MYEF2: variants seen among roughly 807,000 people sequenced by gnomAD.
The protein encoded by MYEF2 is myelin gene expression factor 2.
A neutral mutation model predicts 75.2 loss-of-function variants in MYEF2; 37 were observed. That is an observed-to-expected ratio of 0.49 (90% CI 0.38 to 0.65). The LOEUF (loss-of-function observed/expected upper bound fraction) is 0.65. MYEF2 is among the 30% of genes least tolerant of loss of function. MYEF2 has a pLI of 0.00. For synonymous variants in MYEF2, 195 were observed against 241.6 expected, an observed-to-expected ratio of 0.81 and a Z score of 1.79; for missense variants, 634 against 771.4, an observed-to-expected ratio of 0.82 and a Z score of 2.11.
intron 5 of MYEF2, among the ~76,000 whole-genome samples, chr15:48,165,094 A>C (rs1045964701): frequency 2.0e-5 from 3 of 152,130 alleles, no homozygotes; most frequent in African/African-American, 7.2e-5. Context: ...GCCAGGAATC[A>C]AATCATTAGT....
chr15:48,155,143 T>G (rs2039643803), intron 9 of MYEF2, among the ~76,000 whole-genome samples: 1 of 152,074 alleles, frequency 6.6e-6, no homozygotes, highest in Non-Finnish European at 1.5e-5. Context: ...CAAAGTGATT[T>G]TTTTAAAAAG....
chr15:48,155,248 C>T (rs1462064501), intron 9 of MYEF2, among the ~76,000 whole-genome samples: 1 of 151,904 alleles, frequency 6.6e-6, no homozygotes, highest in Non-Finnish European at 1.5e-5. Flanking sequence ...CAAAATAAAG[C>T]TGCTGTACTT....
At chr15:48,170,120 CTGTTGTTGTTGT>C (rs748883983) in intron 1 of MYEF2, among the ~76,000 whole-genome samples, 1 of 151,470 alleles carries the variant, frequency 6.6e-6, no homozygotes, top group African/African-American at 2.4e-5. Flanking sequence ...GTTTTTGTTG[CTGTTGTTGTTGT>C]TGTTGTTGTT....
chr15:48,164,346 A>AAGATGTGAATAAATTGCTGTAAAC (rs1597340280), intron 5 of MYEF2, among the ~76,000 whole-genome samples: 2 of 152,178 alleles, frequency 1.3e-5, no homozygotes, highest in East Asian at 3.8e-4. Flanking sequence ...GTGGATCCTG[A>AAGATGTGAATAAATTGCTGTAAAC]AGATGTGAAT....
intron 9 of MYEF2, among the ~76,000 whole-genome samples, chr15:48,155,823 G>A (rs1174688229): frequency 1.3e-5 from 2 of 148,598 alleles, no homozygotes; most frequent in Admixed American, 6.7e-5. Flanking sequence ...CACCCAGGCT[G>A]GAGTGCAGGG....
At chr15:48,156,144 T>C (rs914109840) in intron 9 of MYEF2, among the ~76,000 whole-genome samples, 3 of 152,096 alleles carry the variant, frequency 2.0e-5, no homozygotes, top group African/African-American at 7.2e-5. Flanking sequence ...GCAAAACCCA[T>C]GTACTAACTT....
At chr15:48,148,794 A>AT (rs1368545369) in intron 16 of MYEF2, among the ~76,000 whole-genome samples, 12 of 152,200 alleles carry the variant, frequency 7.9e-5, no homozygotes, top group African/African-American at 2.9e-4. Flanking sequence ...ATGATAGGGT[A>AT]TATCCTAAAC....
At position 48,159,758 on chromosome 15, in the gene MYEF2, C is replaced by A. The variant is rs746621889; in HGVS notation, c.572G>T (p.Gly191Val). ...NARRALQRTG[G>V]SFPGGHVPDM... ...AGGGACGTGTCCTCCTGGAAATGAT[C>A]CTCCTGTTCGCTGCAATGCCCTACG... The change falls in exon 6 of 17, where the codon GGA becomes GTA. Residue 191 changes from glycine (G) to valine (V), a missense_variant. By Grantham distance (109) the Gly-to-Val change is moderately radical. Transcript: ENST00000324324. The A allele has an allele frequency of 1.2e-6, 2 of 1,613,514 alleles. No homozygotes were observed. The highest frequency in any genetic ancestry group is 1.7e-6 in the Non-Finnish European group (2 of 1,179,724).
At chr15:48,176,691 T>C (rs1015360669) in intron 1 of MYEF2, among the ~76,000 whole-genome samples, 1 of 152,216 alleles carries the variant, frequency 6.6e-6, no homozygotes, top group Non-Finnish European at 1.5e-5. Context: ...TAGATATGAA[T>C]AGCACATATT....
chr15:48,134,805 A>G lies in MYEF2; in HGVS notation c.*8103T>C, dbSNP rs1046964367. 2.7e-6 allele frequency: 3 copies of G among 1,121,410 alleles called. No homozygotes were observed. Among genetic ancestry groups the G allele is most frequent in the African/African-American group, 1.6e-5 (1 of 62,616 alleles). 69.5% of individuals were successfully genotyped at this position (1,121,410 alleles called of 1,614,324 possible). ...TAACAATATTTAACTACAAATATAT[A>G]AACAATTTTAGTATTATACTAAGGA... On this transcript the variant is annotated 3_prime_UTR_variant, in exon 17 of 17. Coordinates refer to ENST00000324324, the MANE Select transcript of MYEF2 (RefSeq NM_016132.5).
intron 9 of MYEF2, 192 bp downstream of exon 9, chr15:48,157,800 GA>G (rs957317520): frequency 8.2e-4 from 993 of 1,217,566 alleles, no homozygotes; most frequent in East Asian, 2.6e-3. Context: ...TTACCAAAGA[GA>G]AAAAAAAAAT....
At position 48,142,236 on chromosome 15, in the gene MYEF2, T is replaced by C. The variant is rs1282281030; in HGVS notation, c.*672A>G. Reference sequence around the variant, plus strand: ...GCAGTTCACTTCAATGGCTGGAAACTAGACAGAAAGTTGGGAATAGTCTGC... The same window carrying C: ...GCAGTTCACTTCAATGGCTGGAAACCAGACAGAAAGTTGGGAATAGTCTGC... On this transcript the variant is annotated 3_prime_UTR_variant, in exon 17 of 17. Coordinates refer to ENST00000324324, the MANE Select transcript of MYEF2 (RefSeq NM_016132.5). The C allele has an allele frequency of 6.2e-7, 1 of 1,613,684 alleles. No homozygotes were observed. The highest frequency in any genetic ancestry group is 1.3e-5 in the African/African-American group (1 of 74,920).
At chr15:48,154,783 AAGC>A (rs2039628677) in intron 9 of MYEF2, among the ~76,000 whole-genome samples, 1 of 152,144 alleles carries the variant, frequency 6.6e-6, no homozygotes, top group Non-Finnish European at 1.5e-5. Flanking sequence ...GAGTCTATAA[AAGC>A]AGAGGAGTGA....
chr15:48,156,586 A>C (rs529705213), intron 9 of MYEF2, among the ~76,000 whole-genome samples: 10 of 152,108 alleles, frequency 6.6e-5, no homozygotes, highest in African/African-American at 2.4e-4. Context: ...CCAGTTTTAC[A>C]CATAATTTCT....
intron 9 of MYEF2, 36 bp downstream of exon 9, chr15:48,157,957 A>C: frequency 4.3e-6 from 7 of 1,609,788 alleles, no homozygotes; most frequent in Non-Finnish European, 5.9e-6. Flanking sequence ...AAACCAAAAA[A>C]AGCCTATGTT....
At chr15:48,160,802 T>C (rs946815444) in intron 5 of MYEF2, among the ~76,000 whole-genome samples, 4 of 151,736 alleles carry the variant, frequency 2.6e-5, no homozygotes, top group African/African-American at 9.7e-5. Flanking sequence ...GAATAAAAGG[T>C]GAAAAGGTAA....
intron 2 of MYEF2, 138 bp downstream of exon 2, chr15:48,168,493 A>G (rs2040210800): frequency 3.0e-6 from 2 of 660,302 alleles, no homozygotes; most frequent in South Asian, 4.1e-5. Flanking sequence ...AAGAAGAGGA[A>G]AAGATTAATT....
At position 48,138,068 on chromosome 15, in the gene MYEF2, G is replaced by A. The variant is rs1226158841; in HGVS notation, c.*4840C>T. 1 of 151,978 alleles carries A rather than the reference G, an allele frequency of 6.6e-6. No individual in the cohort carries two copies. Among genetic ancestry groups the A allele is most frequent in the Non-Finnish European group, 1.5e-5 (1 of 67,938 alleles). The allele number at this position is 151,978 out of a possible 1,614,324, so 9.4% of individuals were successfully genotyped here. On this transcript the variant is annotated 3_prime_UTR_variant, in exon 17 of 17. Transcript: ENST00000324324. ...CTACTCTTTCAGGTATAAGAGGTAT[G>A]CCTCTCCAAATTAAGTTTATAATAA...
At chr15:48,169,396 ACT>A (rs1277683966) in intron 1 of MYEF2, among the ~76,000 whole-genome samples, 4 of 152,114 alleles carry the variant, frequency 2.6e-5, no homozygotes, top group African/African-American at 9.7e-5. Flanking sequence ...TCACATTAAG[ACT>A]CTCAAACTTT....
Sources: allele counts gnomAD v4.1 joint callset (sites outside exome capture counted in the v4.1 genomes callset), GRCh38; gene constraint gnomAD v4.1.1; transcripts MANE v1.5; gene names NCBI Gene and HGNC (gene_info 2026-07-23, HGNC 2026-07-21).